NPC1: variants seen among roughly 807,000 people sequenced by gnomAD.
NPC1 encodes NPC intracellular cholesterol transporter 1, also known as Niemann-Pick C1 protein.
Under a neutral mutation model 140.4 loss-of-function variants are expected in NPC1, and 85 were observed. That is an observed-to-expected ratio of 0.61 (90% CI 0.51 to 0.72). The LOEUF is 0.72. Ranked by LOEUF, NPC1 falls within the 30% of genes least tolerant of loss-of-function variation. The pLI, the probability that NPC1 is intolerant of heterozygous loss-of-function variation, is 0.00. For missense variants in NPC1, 1,504 were observed against 1,623.8 expected, an observed-to-expected ratio of 0.93 and a Z score of 1.27; for synonymous variants, 656 against 624.8, an observed-to-expected ratio of 1.05 and a Z score of -0.74.
At chr18:23,513,209 C>T (rs1192904946) in intron 3 of NPC1, among the ~76,000 whole-genome samples, 5 of 152,194 alleles carry the variant, frequency 3.3e-5, no homozygotes, top group African/African-American at 1.2e-4. Flanking sequence ...TCACCTCAGC[C>T]TCCCAAAGTG....
chr18:23,558,511 G>A (rs546922600), intron 6 of NPC1, among the ~76,000 whole-genome samples: 1 of 152,308 alleles, frequency 6.6e-6, no homozygotes, highest in Admixed American at 6.5e-5. Context: ...GTATCATCAA[G>A]AGTGTTAAGG....
At chr18:23,518,748 G>A, downstream of NPC1, 2 of 660,354 alleles carry the variant, frequency 3.0e-6, no homozygotes, top group Non-Finnish European at 5.2e-6. Context: ...TTGAGTAACT[G>A]CATGTTTCTT....
rs1174632716 is a variant in NPC1 at position 23,544,358 on chromosome 18, C to T, written c.2116G>A (p.Val706Met). The change falls in exon 13 of 25, where the codon GTG becomes ATG. Residue 706 changes from valine (V) to methionine (M), a missense_variant. By Grantham distance (21) the Val-to-Met change is conservative (BLOSUM62 1). Coordinates refer to ENST00000269228, the MANE Select transcript of NPC1 (RefSeq NM_000271.5). ...AVGVDNIFIL[V>M]QAYQRDERLQ... is the part of the protein sequence containing the mutation. ...TGGAAGTATACCTGGTAGGCCTGCA[C>T]CAGAATGAAGATGTTGTCCACTCCA... The T allele has an allele frequency of 6.2e-7, 1 of 1,614,110 alleles. No homozygotes were observed. The highest frequency in any genetic ancestry group is 1.1e-5 in the South Asian group (1 of 91,078).
At chr18:23,530,276 G>C (rs1222963933), downstream of NPC1, 1 of 1,614,076 alleles carries the variant, frequency 6.2e-7, no homozygotes, top group Non-Finnish European at 8.5e-7. Flanking sequence ...CTGCTCATCA[G>C]CTATCTCTGG....
intron 1 of NPC1, chr18:23,524,053 G>A: frequency 7.1e-7 from 1 of 1,412,392 alleles, no homozygotes; most frequent in Non-Finnish European, 1.0e-6. Flanking sequence ...AAAAAGTATT[G>A]ACTTTTGTGT....
In NPC1 at chr18:23,544,380, T is replaced by C. The variant is rs1598954463; in HGVS notation, c.2094A>G (p.Gly698=). The C allele has an allele frequency of 6.2e-7, 1 of 1,614,074 alleles. No individual in the cohort carries two copies. The highest frequency in any genetic ancestry group is 1.3e-5 in the African/African-American group (1 of 75,002). Residue 698 remains glycine (G), a synonymous_variant, in exon 13 of 25, where the codon GGA becomes GGG. Coordinates refer to ENST00000269228, the MANE Select transcript of NPC1 (RefSeq NM_000271.5). The part of the protein sequence containing the change: ...EVIPFLVLAV[G]VDNIFILVQA... Reference sequence around the variant, plus strand: ...GCACCAGAATGAAGATGTTGTCCACTCCAACAGCCAGCACCAGGAACGGGA... The same window carrying C: ...GCACCAGAATGAAGATGTTGTCCACCCCAACAGCCAGCACCAGGAACGGGA...
intron 1 of NPC1, 78 bp downstream of exon 1, chr18:23,586,209 C>T: frequency 3.4e-6 from 5 of 1,474,344 alleles, no homozygotes; most frequent in Admixed American, 2.1e-5. Context: ...CCTGAGCCGT[C>T]GCTGGGCCCG....
At chr18:23,540,228 G>GTTATTC (rs2058694184) in intron 17 of NPC1, among the ~76,000 whole-genome samples, 1 of 152,154 alleles carries the variant, frequency 6.6e-6, no homozygotes, top group African/African-American at 2.4e-5. Context: ...CATAAGACTA[G>GTTATTC]TTATTCGTGT....
At chr18:23,520,371 C>T (rs981727386), downstream of NPC1, 3 of 1,363,378 alleles carry the variant, frequency 2.2e-6, no homozygotes, top group Non-Finnish European at 1.0e-6. Context: ...GCTGTGTTCT[C>T]ACCATGATCT....
intron 2 of NPC1, 52 bp downstream of exon 2, chr18:23,573,400 G>C (rs1490904872): frequency 2.0e-5 from 32 of 1,612,292 alleles, no homozygotes; most frequent in Non-Finnish European, 2.5e-5. Flanking sequence ...TAATTACAGA[G>C]GATCTTGTGA....
downstream of NPC1, chr18:23,520,320 C>T (rs781239222): frequency 8.1e-6 from 13 of 1,605,550 alleles, no homozygotes; most frequent in African/African-American, 4.0e-5. Flanking sequence ...ACAGGTAACA[C>T]GGGTTCTGTA....
intron 6 of NPC1, among the ~76,000 whole-genome samples, chr18:23,559,739 C>T (rs567381365): frequency 7.2e-5 from 11 of 152,202 alleles, no homozygotes; most frequent in Admixed American, 7.2e-4. Flanking sequence ...CACCTGAGGT[C>T]AGGAGTTGGA....
At chr18:23,584,886 A>G (rs1326868080) in intron 1 of NPC1, among the ~76,000 whole-genome samples, 1 of 152,064 alleles carries the variant, frequency 6.6e-6, no homozygotes, top group Non-Finnish European at 1.5e-5. Context: ...TAAGGTCCTG[A>G]TCTAAAACTC....
downstream of NPC1, chr18:23,529,110 G>C: frequency 6.4e-7 from 1 of 1,558,970 alleles, no homozygotes; most frequent in Admixed American, 2.0e-5. Flanking sequence ...CAGTCCTTGT[G>C]GATGAACTGT....
chr18:23,538,702 A>T, intron 19 of NPC1, 31 bp from the exon 20 acceptor site: 1 of 1,612,554 alleles, frequency 6.2e-7, no homozygotes, highest in Non-Finnish European at 8.5e-7. Context: ...GGACTGTTAG[A>T]AGAATAGGTC....
At chr18:23,566,797 AGAGT>A (rs2059132152) in intron 4 of NPC1, among the ~76,000 whole-genome samples, 1 of 152,210 alleles carries the variant, frequency 6.6e-6, no homozygotes. Flanking sequence ...AGTATCATAT[AGAGT>A]ATTTTCACCA....
chr18:23,513,299 A>G (rs1278148912), intron 3 of NPC1, among the ~76,000 whole-genome samples: 1 of 152,192 alleles, frequency 6.6e-6, no homozygotes, highest in African/African-American at 2.4e-5. Context: ...ATTATACAGT[A>G]TTTGTCCCTT....
At chr18:23,568,061 GA>G (rs1599000884) in intron 4 of NPC1, among the ~76,000 whole-genome samples, 1 of 151,968 alleles carries the variant, frequency 6.6e-6, no homozygotes, top group Non-Finnish European at 1.5e-5. Context: ...CTACACAATT[GA>G]TTTTTTTATT....
intron 4 of NPC1, among the ~76,000 whole-genome samples, chr18:23,568,219 G>A (rs958561764): frequency 2.0e-5 from 3 of 152,032 alleles, no homozygotes; most frequent in Non-Finnish European, 4.4e-5. Context: ...TGGACAAAAT[G>A]ACCTCTCTCC....
Sources: gnomAD v4.1 joint callset for allele counts (sites outside exome capture counted in the v4.1 genomes callset) on GRCh38, gnomAD v4.1.1 for gene constraint, MANE v1.5 for transcripts, NCBI Gene and HGNC (gene_info 2026-07-23, HGNC 2026-07-21) for gene names.